Variants in SRRM4 observed in about 807,000 individuals in gnomAD.
SRRM4 encodes serine/arginine repetitive matrix protein 4.
Under a neutral mutation model 68.9 loss-of-function variants are expected in SRRM4, and 33 were observed. That is an observed-to-expected ratio of 0.48 (90% CI 0.36 to 0.64). The LOEUF is 0.64. Among genes scored for constraint, SRRM4 ranks in the 30% least tolerant of loss-of-function variants. The pLI, the probability that SRRM4 is intolerant of heterozygous loss-of-function variation, is 0.00. For synonymous variants in SRRM4, 318 were observed against 318.8 expected (o/e 1.00, Z 0.03); for missense variants, 817 against 827.1 (o/e 0.99, Z 0.15).
intron 8 of SRRM4, among the ~76,000 whole-genome samples, chr12:119,142,294 C>T (rs993657327): frequency 6.6e-6 from 1 of 152,180 alleles, no homozygotes; most frequent in African/African-American, 2.4e-5. Context: ...TCAATAGTGC[C>T]TTTATCCCTG....
At chr12:119,132,584 G>A (rs906370909) in intron 8 of SRRM4, among the ~76,000 whole-genome samples, 1 of 152,186 alleles carries the variant, frequency 6.6e-6, no homozygotes, top group African/African-American at 2.4e-5. Context: ...AAAAAGCTGG[G>A]TCTGTCCTCC....
At chr12:118,998,268 C>CAGAAAAAAA (rs1953361501) in intron 1 of SRRM4, among the ~76,000 whole-genome samples, 1 of 36,574 alleles carries the variant, frequency 2.7e-5, no homozygotes, top group Non-Finnish European at 4.5e-5. Flanking sequence ...AGCAATATGG[C>CAGAAAAAAA]AAAAAAAAAA....
In SRRM4 at chr12:119,119,697, G is replaced by C. The variant is rs1352109564; in HGVS notation, c.438-553G>C. On this transcript the variant is annotated intron_variant, in intron 4 of 12. Coordinates refer to ENST00000267260, the MANE Select transcript of SRRM4 (RefSeq NM_194286.4). ...TGACAGGTGCTAAGTACAGAACCTG[G>C]CACACAGTAAGAGTTCCACATGTGG... Among the ~76,000 whole-genome samples the C allele has an allele frequency of 2.0e-5, 3 of 152,214 alleles. No homozygotes were observed. In the East Asian group the frequency reaches 5.8e-4, roughly 29 times the overall value.
intron 9 of SRRM4, among the ~76,000 whole-genome samples, chr12:119,147,147 C>A (rs1954408332): frequency 6.6e-6 from 1 of 152,118 alleles, no homozygotes; most frequent in Non-Finnish European, 1.5e-5. Flanking sequence ...GTATGAGGTA[C>A]CACGCTATGA....
intron 9 of SRRM4, among the ~76,000 whole-genome samples, chr12:119,148,077 G>C (rs1350870584): frequency 6.6e-6 from 1 of 152,196 alleles, no homozygotes; most frequent in Non-Finnish European, 1.5e-5. Context: ...AAGCTTTGCT[G>C]GTGCCCTCTG....
chr12:119,130,300 A>T (rs369408446), intron 7 of SRRM4, among the ~76,000 whole-genome samples: 181 of 151,856 alleles, frequency 1.2e-3, no homozygotes, highest in African/African-American at 4.1e-3. Flanking sequence ...AGATGGATGG[A>T]TGGATGGATG....
At chr12:119,131,336 A>T (rs966130595) in intron 8 of SRRM4, among the ~76,000 whole-genome samples, 14 of 152,180 alleles carry the variant, frequency 9.2e-5, no homozygotes, top group African/African-American at 2.9e-4. Context: ...TCTTCCAAGG[A>T]GGTCATAGCT....
intron 1 of SRRM4, among the ~76,000 whole-genome samples, chr12:119,014,418 T>C (rs1488799745): frequency 6.6e-6 from 1 of 152,092 alleles, no homozygotes; most frequent in Non-Finnish European, 1.5e-5. Context: ...AAGAATGACT[T>C]GCTGTAACAG....
intron 1 of SRRM4, among the ~76,000 whole-genome samples, chr12:119,072,514 G>T (rs576675829): frequency 6.6e-6 from 1 of 152,318 alleles, no homozygotes; most frequent in African/African-American, 2.4e-5. Flanking sequence ...CTCTCTCTGA[G>T]TTGATTGATG....
chr12:119,153,678 C>T (rs746918794), intron 11 of SRRM4, 29 bp downstream of exon 11: 12 of 1,482,290 alleles, frequency 8.1e-6, no homozygotes, highest in Non-Finnish European at 1.0e-5. Context: ...AAACTAGGCC[C>T]GTCCTAGGCC....
intron 1 of SRRM4, among the ~76,000 whole-genome samples, chr12:119,011,302 A>G (rs1215594797): frequency 5.9e-5 from 9 of 152,208 alleles, no homozygotes; most frequent in Non-Finnish European, 7.3e-5. Flanking sequence ...CAACCTTGGC[A>G]CTACTGACAT....
intron 9 of SRRM4, among the ~76,000 whole-genome samples, chr12:119,146,994 C>T (rs954223640): frequency 6.6e-6 from 1 of 151,826 alleles, no homozygotes; most frequent in African/African-American, 2.4e-5. Context: ...CTTATCTCTA[C>T]ATAAAAACCT....
chr12:119,108,955 A>C (rs1020472399), intron 2 of SRRM4, among the ~76,000 whole-genome samples: 1 of 152,094 alleles, frequency 6.6e-6, no homozygotes, highest in African/African-American at 2.4e-5. Flanking sequence ...TGCAGTGGCT[A>C]GTATCAGTTG....
intron 1 of SRRM4, among the ~76,000 whole-genome samples, chr12:119,087,544 GT>G (rs1307766746): frequency 3.3e-5 from 5 of 152,268 alleles, no homozygotes; most frequent in Admixed American, 6.5e-5. Context: ...AGGTTTCATG[GT>G]CCCCAGAAAC....
At chr12:119,022,703 A>G (rs1953523754) in intron 1 of SRRM4, among the ~76,000 whole-genome samples, 1 of 152,234 alleles carries the variant, frequency 6.6e-6, no homozygotes, top group African/African-American at 2.4e-5. Context: ...CAAACTGAGC[A>G]TGGTCACATA....
intron 1 of SRRM4, among the ~76,000 whole-genome samples, chr12:119,019,501 T>G (rs888178445): frequency 6.6e-6 from 1 of 152,172 alleles, no homozygotes; most frequent in South Asian, 2.1e-4. Flanking sequence ...TGTGTTTGTT[T>G]TAATTTTTTG....
In SRRM4 at chr12:119,156,485, G is replaced by GTC. The variant is rs1161131695; in HGVS notation, c.1533-6_1533-5dup. The GTC allele has an allele frequency of 1.9e-6, 3 of 1,588,980 alleles. No individual in the cohort carries two copies. In the African/African-American group the frequency reaches 4.0e-5, roughly 21 times the overall value. On this transcript the variant is annotated splice_polypyrimidine_tract_variant and intron_variant, in intron 12 of 12. Transcript: ENST00000267260. ...CCGGCCCTCATCCCTCCTCTCTCTG[G>GTC]TCTCTGCAGTGCCCGGAAACGCCCC...
At position 119,102,223 on chromosome 12, in the gene SRRM4, T is replaced by A. The variant is rs1954081601; in HGVS notation, c.132-13T>A. On this transcript the variant is annotated splice_polypyrimidine_tract_variant and intron_variant, in intron 1 of 12. Transcript: ENST00000267260. ...ATTCTAACACTTTTGTGTCCTTATT[T>A]CTTCTTCTGTAGGACAGAGCCCCAG... 6.2e-7 allele frequency: 1 copy of A among 1,603,056 alleles called. No homozygotes were observed. The highest frequency in any genetic ancestry group is 8.5e-7 in the Non-Finnish European group (1 of 1,174,780).
chr12:119,013,860 C>T (rs369507740), intron 1 of SRRM4, among the ~76,000 whole-genome samples: 5 of 152,198 alleles, frequency 3.3e-5, no homozygotes, highest in East Asian at 1.9e-4. Flanking sequence ...TTCCTAGAAA[C>T]GGAATTGTTA....
Sources: gnomAD v4.1 joint callset for allele counts (sites outside exome capture counted in the v4.1 genomes callset) on GRCh38, gnomAD v4.1.1 for gene constraint, MANE v1.5 for transcripts, NCBI Gene and HGNC (gene_info 2026-07-23, HGNC 2026-07-21) for gene names.